Variants in RGS6 observed in about 807,000 individuals in gnomAD.
RGS6 encodes the protein regulator of G-protein signaling 6.
Under a neutral mutation model 78.5 loss-of-function variants are expected in RGS6, and 30 were observed. The observed-to-expected ratio is 0.38, with a 90% confidence interval of 0.29 to 0.52. The LOEUF (loss-of-function observed/expected upper bound fraction) is 0.52. Among genes scored for constraint, RGS6 ranks in the 20% least tolerant of loss-of-function variants. RGS6 has a pLI of 0.85. For missense variants in RGS6, 495 were observed against 609.7 expected (o/e 0.81, Z 1.98); for synonymous variants, 206 against 206.0 (o/e 1.00, Z 0.00).
the RGS6 span, among the ~76,000 whole-genome samples, chr14:71,918,479 A>G: frequency 2.0e-5 from 3 of 152,092 alleles, no homozygotes; most frequent in African/African-American, 7.2e-5. Context: ...AGTTTTAGAG[A>G]CCCCTCAAAG....
At chr14:72,040,096 G>A (rs1430432671) in intron 2 of RGS6, among the ~76,000 whole-genome samples, 1 of 151,836 alleles carries the variant, frequency 6.6e-6, no homozygotes, top group Non-Finnish European at 1.5e-5. Context: ...TCCATTTATA[G>A]AGTTTTATAA....
intron 15 of RGS6, among the ~76,000 whole-genome samples, chr14:72,525,803 C>T (rs1054512376): frequency 6.6e-6 from 1 of 152,162 alleles, no homozygotes; most frequent in Non-Finnish European, 1.5e-5. Flanking sequence ...GACTCTCATG[C>T]CAGACATATT....
chr14:72,531,580 T>C (rs1461510214), intron 15 of RGS6, among the ~76,000 whole-genome samples: 1 of 152,214 alleles, frequency 6.6e-6, no homozygotes, highest in African/African-American at 2.4e-5. Flanking sequence ...ACAAGATTCT[T>C]TGGGTTCCAA....
intron 3 of RGS6, among the ~76,000 whole-genome samples, chr14:72,369,299 C>G (rs1471540219): frequency 6.6e-6 from 1 of 152,132 alleles, no homozygotes; most frequent in Non-Finnish European, 1.5e-5. Context: ...AATGATGTGG[C>G]CAGAAGCCAA....
intron 2 of RGS6, among the ~76,000 whole-genome samples, chr14:72,114,457 T>C (rs775679894): frequency 9.9e-5 from 15 of 152,216 alleles, no homozygotes; most frequent in Admixed American, 3.3e-4. Flanking sequence ...CTGGCTAATT[T>C]GCCTTCATAA....
At chr14:71,925,050 T>C in the RGS6 span, among the ~76,000 whole-genome samples, 2 of 152,226 alleles carry the variant, frequency 1.3e-5, no homozygotes, top group African/African-American at 4.8e-5. Flanking sequence ...CAGTGTACCC[T>C]TTTTTCCACC....
At chr14:71,893,480 T>A in the RGS6 span, among the ~76,000 whole-genome samples, 2 of 152,164 alleles carry the variant, frequency 1.3e-5, no homozygotes, top group Non-Finnish European at 2.9e-5. Context: ...ATTACCACAT[T>A]TGCTTTGTCA....
At chr14:72,478,932 G>GT (rs1011929715) in intron 12 of RGS6, among the ~76,000 whole-genome samples, 8 of 152,270 alleles carry the variant, frequency 5.3e-5, no homozygotes, top group Admixed American at 6.5e-5. Context: ...TAAATGGTCT[G>GT]TTTTTTTAAC....
chr14:72,243,803 C>T (rs915896786), intron 2 of RGS6, among the ~76,000 whole-genome samples: 9 of 150,946 alleles, frequency 6.0e-5, no homozygotes, highest in Non-Finnish European at 1.0e-4. Context: ...GTCACTGATT[C>T]AGCTATTCAG....
chr14:72,598,550 C>T, the RGS6 span, among the ~76,000 whole-genome samples: 39 of 152,342 alleles, frequency 2.6e-4, no homozygotes, highest in African/African-American at 8.4e-4. Context: ...GCGCCCCACT[C>T]GGCGGCTGGG....
intron 12 of RGS6, among the ~76,000 whole-genome samples, chr14:72,493,068 T>A (rs1357641684): frequency 1.3e-5 from 2 of 152,124 alleles, no homozygotes; most frequent in African/African-American, 2.4e-5. Context: ...AACTTCCCTA[T>A]GACAATGAAG....
chr14:72,433,561 T>A (rs994355455), intron 3 of RGS6, among the ~76,000 whole-genome samples: 2 of 152,106 alleles, frequency 1.3e-5, no homozygotes, highest in Non-Finnish European at 2.9e-5. Context: ...TAAAAAAGTC[T>A]TTTTAGGCAA....
chr14:72,450,342 T>C (rs761613812), intron 3 of RGS6, among the ~76,000 whole-genome samples: 1 of 152,188 alleles, frequency 6.6e-6, no homozygotes, highest in Non-Finnish European at 1.5e-5. Flanking sequence ...ATAAACATGA[T>C]TTTAGATATA....
chr14:71,873,404 ATTTTTTCATGTG>A, the RGS6 span, among the ~76,000 whole-genome samples: 1 of 152,026 alleles, frequency 6.6e-6, no homozygotes, highest in South Asian at 2.1e-4. Context: ...GATGATGAGC[ATTTTTTCATGTG>A]TTTTTTGGCT....
rs771128993 is a variant in RGS6, at chr14:72,157,646, G to A, written c.84+192771G>A. Among the ~76,000 whole-genome samples, 4 of 152,202 alleles carry A rather than the reference G, an allele frequency of 2.6e-5. No homozygotes were observed. In the East Asian group the frequency reaches 7.7e-4, roughly 29 times the overall value. ...ATTCGAACATTTTCCTGGAGGCAGT[G>A]GGGGAGCTGCTGGAGGTTTTCGGAC... On this transcript the variant is annotated intron_variant, in intron 2 of 17. Transcript: ENST00000553525.
intron 2 of RGS6, among the ~76,000 whole-genome samples, chr14:71,987,558 C>T (rs2094769490): frequency 6.6e-6 from 1 of 152,198 alleles, no homozygotes; most frequent in Admixed American, 6.5e-5. Flanking sequence ...GAGAGTCTCA[C>T]TCTGTTCCCC....
chr14:72,485,810 C>A (rs2096478462), intron 12 of RGS6, among the ~76,000 whole-genome samples: 1 of 152,316 alleles, frequency 6.6e-6, no homozygotes, highest in East Asian at 1.9e-4. Flanking sequence ...GCCTCCAAGA[C>A]CCATTCTTCC....
At chr14:71,873,134 T>C in the RGS6 span, among the ~76,000 whole-genome samples, 3 of 152,214 alleles carry the variant, frequency 2.0e-5, no homozygotes, top group Admixed American at 2.0e-4. Flanking sequence ...TAGCATGATT[T>C]ATAATCCTTT....
chr14:71,915,816 G>C, the RGS6 span, among the ~76,000 whole-genome samples: 7 of 152,176 alleles, frequency 4.6e-5, no homozygotes, highest in Admixed American at 4.6e-4. Flanking sequence ...AGGGAATTAA[G>C]TTAGAATGAC....
Sources: allele counts gnomAD v4.1 joint callset (sites outside exome capture counted in the v4.1 genomes callset), GRCh38; gene constraint gnomAD v4.1.1; transcripts MANE v1.5; gene names NCBI Gene and HGNC (gene_info 2026-07-23, HGNC 2026-07-21).